SPAG16: variants seen among roughly 807,000 people sequenced by gnomAD.
The protein encoded by SPAG16 is sperm associated antigen 16.
In SPAG16, 86 loss-of-function variants were observed where a neutral mutation model predicts 80.4. The ratio of observed to expected loss-of-function variants is 1.07; its 90% confidence interval spans 0.90 to 1.28. The LOEUF (loss-of-function observed/expected upper bound fraction) is 1.28. SPAG16 is among the 50% of genes most tolerant of loss of function. SPAG16 has a pLI of 0.00. For synonymous variants in SPAG16, 294 were observed against 265.9 expected, an observed-to-expected ratio of 1.11 and a Z score of -1.03; for missense variants, 870 against 765.3, an observed-to-expected ratio of 1.14 and a Z score of -1.61.
At chr2:214,142,950 C>T (rs185212441) in intron 14 of SPAG16, among the ~76,000 whole-genome samples, 7 of 152,204 alleles carry the variant, frequency 4.6e-5, no homozygotes, top group East Asian at 3.9e-4. Flanking sequence ...TGTTTTCATC[C>T]CTATTCTCTA....
chr2:213,624,363 A>T (rs1037891455), intron 10 of SPAG16, among the ~76,000 whole-genome samples: 6 of 152,176 alleles, frequency 3.9e-5, no homozygotes, highest in Admixed American at 3.9e-4. Context: ...TTCAGAAATT[A>T]TTTGGAATAT....
rs572286898 is a variant in SPAG16, at chr2:214,095,243, G to A, written c.1528-12953G>A. On this transcript the variant is annotated intron_variant, in intron 13 of 15. Transcript: ENST00000331683. Reference sequence around the variant, plus strand: ...TTGAGAATTGTGTGTTTCTCTGGCCGGTTGTTTTTTATCTTTTTTCCCTAG... The same window carrying A: ...TTGAGAATTGTGTGTTTCTCTGGCCAGTTGTTTTTTATCTTTTTTCCCTAG... Among the ~76,000 whole-genome samples, 21 of 152,102 alleles carry A rather than the reference G, an allele frequency of 1.4e-4. No individual in the cohort carries two copies. The South Asian group carries it at 2.9e-3, about 21-fold the overall frequency.
In SPAG16 at chr2:213,347,908, G is replaced by A. The variant is rs566263538; in HGVS notation, c.645-2620G>A. On this transcript the variant is annotated intron_variant, in intron 6 of 15. Coordinates refer to ENST00000331683, the MANE Select transcript of SPAG16 (RefSeq NM_024532.5). ...CTGTAGATGTCTATTAGGTCTGCTTGGTGTGGAGCTGAGTTCAATTCCTGG... is the reference window on the plus strand; with the variant it reads ...CTGTAGATGTCTATTAGGTCTGCTTAGTGTGGAGCTGAGTTCAATTCCTGG... 3.9e-5 allele frequency among the ~76,000 whole-genome samples: 6 copies of A among 152,180 alleles called. No homozygotes were observed. The South Asian group carries it at 1.2e-3, about 32-fold the overall frequency.
intron 11 of SPAG16, among the ~76,000 whole-genome samples, chr2:213,875,841 A>T (rs2076121456): frequency 6.6e-6 from 1 of 152,122 alleles, no homozygotes; most frequent in South Asian, 2.1e-4. Flanking sequence ...ACGGCTGTAA[A>T]TTCATTTTCC....
At chr2:213,982,698 A>G (rs1281033217) in intron 12 of SPAG16, among the ~76,000 whole-genome samples, 6 of 148,996 alleles carry the variant, frequency 4.0e-5, no homozygotes, top group Non-Finnish European at 8.9e-5. Flanking sequence ...ATTTGAGATT[A>G]TAAACTAACA....
intron 5 of SPAG16, 191 bp downstream of exon 5, chr2:213,317,547 T>C: frequency 8.0e-7 from 1 of 1,257,460 alleles, no homozygotes; most frequent in Non-Finnish European, 1.0e-6. Flanking sequence ...AATTATAACT[T>C]ACCAACAAGA....
At chr2:214,203,295 AG>A (rs1167999744) in intron 15 of SPAG16, among the ~76,000 whole-genome samples, 19 of 152,158 alleles carry the variant, frequency 1.2e-4, no homozygotes, top group East Asian at 1.9e-4. Context: ...TTTAAGTTGA[AG>A]GGGGGAAATG....
At chr2:214,165,659 AT>A (rs2056626013) in intron 15 of SPAG16, among the ~76,000 whole-genome samples, 1 of 150,324 alleles carries the variant, frequency 6.7e-6, no homozygotes, top group Admixed American at 6.6e-5. Flanking sequence ...ATAGTCAACA[AT>A]TAAACTTTGC....
chr2:213,336,320 C>T (rs1171233839), intron 5 of SPAG16, among the ~76,000 whole-genome samples: 2 of 152,194 alleles, frequency 1.3e-5, no homozygotes, highest in South Asian at 2.1e-4. Flanking sequence ...CATACTCCAG[C>T]TCTGGGAACT....
chr2:214,245,285 C>T (rs549784358), intron 15 of SPAG16, among the ~76,000 whole-genome samples: 1 of 152,254 alleles, frequency 6.6e-6, no homozygotes, highest in Admixed American at 6.6e-5. Context: ...ACCCTATATG[C>T]TGCAGTTCCC....
At chr2:214,162,775 TA>T (rs1323161623) in intron 15 of SPAG16, among the ~76,000 whole-genome samples, 2 of 152,170 alleles carry the variant, frequency 1.3e-5, no homozygotes, top group African/African-American at 4.8e-5. Context: ...TACTTCTTTT[TA>T]AAAAGTATCC....
At chr2:213,863,753 T>C (rs2075577404) in intron 11 of SPAG16, among the ~76,000 whole-genome samples, 1 of 152,166 alleles carries the variant, frequency 6.6e-6, no homozygotes, top group Non-Finnish European at 1.5e-5. Flanking sequence ...GATAATGCCC[T>C]GTTACCATGA....
At position 214,195,461 on chromosome 2, in the gene SPAG16, G is replaced by A. The variant is rs142048563; in HGVS notation, c.1720+46195G>A. ...AGGGGGTTAGCATTAGATATGAGGA[G>A]ACCACTGATGGGGCTGTAATAGAAG... On this transcript the variant is annotated intron_variant, in intron 15 of 15. Transcript: ENST00000331683. Among the ~76,000 whole-genome samples the A allele has an allele frequency of 2.1e-3, 322 of 152,146 alleles. 1 individual carries two copies. Among genetic ancestry groups the A allele is most frequent in the Non-Finnish European group, 3.5e-3 (241 of 67,974 alleles).
At chr2:214,319,208 A>ACACACACACACACACACC (rs1261689995) in intron 15 of SPAG16, among the ~76,000 whole-genome samples, 1 of 151,152 alleles carries the variant, frequency 6.6e-6, no homozygotes, top group Non-Finnish European at 1.5e-5. Flanking sequence ...CACCACACAC[A>ACACACACACACACACACC]CACACACACA....
chr2:213,593,740 CCACAT>C (rs2060785969), intron 10 of SPAG16, among the ~76,000 whole-genome samples: 2 of 134,936 alleles, frequency 1.5e-5, no homozygotes, highest in African/African-American at 5.4e-5. Context: ...ATCATCCCCA[CCACAT>C]CTTTTTTTTT....
intron 10 of SPAG16, among the ~76,000 whole-genome samples, chr2:213,753,174 G>A (rs937943232): frequency 6.6e-6 from 1 of 151,950 alleles, no homozygotes; most frequent in Non-Finnish European, 1.5e-5. Flanking sequence ...CACCACGCCC[G>A]GCTAATTTTT....
chr2:214,200,876 A>C (rs1213404146), intron 15 of SPAG16, among the ~76,000 whole-genome samples: 1 of 152,202 alleles, frequency 6.6e-6, no homozygotes, highest in Non-Finnish European at 1.5e-5. Context: ...CTTTTGATTC[A>C]AGAAAATAAA....
chr2:214,179,522 CTT>C (rs1211381744), intron 15 of SPAG16, among the ~76,000 whole-genome samples: 1 of 151,396 alleles, frequency 6.6e-6, no homozygotes, highest in African/African-American at 2.4e-5. Context: ...GTCAAAAACA[CTT>C]TTCTCTACAA....
chr2:213,877,402 C>G (rs1393958606), intron 11 of SPAG16, among the ~76,000 whole-genome samples: 1 of 151,996 alleles, frequency 6.6e-6, no homozygotes, highest in Non-Finnish European at 1.5e-5. Flanking sequence ...CTCAACCTCC[C>G]AACATCAAGT....
Sources: allele counts gnomAD v4.1 joint callset (sites outside exome capture counted in the v4.1 genomes callset), GRCh38; gene constraint gnomAD v4.1.1; transcripts MANE v1.5; gene names NCBI Gene and HGNC (gene_info 2026-07-23, HGNC 2026-07-21).